Variants in STAT5A observed in about 807,000 individuals in gnomAD.
STAT5A encodes the protein epididymis secretory sperm binding protein.
STAT5A carries 26 observed loss-of-function variants against 100.2 expected under a neutral mutation model. The observed-to-expected ratio is 0.26, with a 90% CI of 0.19 to 0.36. The LOEUF (loss-of-function observed/expected upper bound fraction) is 0.36, where lower values mean the gene tolerates loss of function less well. STAT5A is among the 10% of genes least tolerant of loss of function. The pLI is 1.00. For synonymous variants in STAT5A, 330 were observed against 424.3 expected (o/e 0.78, Z 2.73); for missense variants, 634 against 1,027.5 (o/e 0.62, Z 5.24).
Position 42,291,910 on chromosome 17 carries a change from G to A in STAT5A, c.286-62G>A, listed in dbSNP as rs574787614. The A allele has an allele frequency of 5.1e-6, 8 of 1,579,502 alleles. No homozygotes were observed. In the South Asian group the frequency reaches 9.0e-5, roughly 18 times the overall value. ...TGAAGGAGAGGAAGGGCTGGGCATA[G>A]CATGGGGCTGGCATGGCTGGAGCAG... On this transcript the variant is annotated intron_variant, in intron 3 of 18. Transcript: ENST00000590949.
intron 11 of STAT5A, among the ~76,000 whole-genome samples, chr17:42,305,027 A>C (rs1251900987): frequency 2.0e-5 from 3 of 151,560 alleles, no homozygotes; most frequent in Non-Finnish European, 4.4e-5. Flanking sequence ...CATAGTGAGA[A>C]CCCGTATCTA....
chr17:42,301,601 C>T, intron 9 of STAT5A, 147 bp downstream of exon 9: 1 of 1,256,746 alleles, frequency 8.0e-7, no homozygotes, highest in Non-Finnish European at 1.1e-6. Context: ...TGCAGTCTTC[C>T]CACCTCAGCC....
At chr17:42,310,424 G>C in intron 18 of STAT5A, 83 bp from the exon 19 acceptor site, 1 of 1,493,372 alleles carries the variant, frequency 6.7e-7, no homozygotes, top group Non-Finnish European at 9.3e-7. Flanking sequence ...GGTTTGAGTG[G>C]AGAGCAGGCT....
At position 42,299,642 on chromosome 17, in the gene STAT5A, A is replaced by C. The variant is rs1397831723; in HGVS notation, c.551-109A>C. 4.5e-6 allele frequency: 7 copies of C among 1,558,770 alleles called. No individual in the cohort carries two copies. The East Asian group carries it at 1.6e-4, about 35-fold the overall frequency. On this transcript the variant is annotated intron_variant, in intron 5 of 18. Transcript: ENST00000590949. ...AGGAACCCCGACTTGCTCTTGATGC[A>C]GTGTCTGAGCCTGGGAGGGTCTCGC...
chr17:42,302,210 C>G (rs2080986950), intron 9 of STAT5A, among the ~76,000 whole-genome samples: 1 of 152,202 alleles, frequency 6.6e-6, no homozygotes, highest in Non-Finnish European at 1.5e-5. Context: ...TGTTCTAGAA[C>G]CTGTGCTACG....
Position 42,308,030 on chromosome 17 carries a change from G to C in STAT5A, c.1907-148G>C. On this transcript the variant is annotated intron_variant, in intron 15 of 18. Transcript: ENST00000590949. This position sits in a 1 kb window ranked among gnomAD's most constrained non-coding sequence, Gnocchi z 4.6. Reference sequence around the variant, plus strand: ...TCTGGTTTGCTGAGTAGAACATCCCGCATCGGCTTTCTTCCCTACAGGCTG... The same window carrying C: ...TCTGGTTTGCTGAGTAGAACATCCCCCATCGGCTTTCTTCCCTACAGGCTG... The C allele has an allele frequency of 8.9e-7, 1 of 1,128,302 alleles. No homozygotes were observed. Among genetic ancestry groups the C allele is most frequent in the Non-Finnish European group, 1.2e-6 (1 of 805,880 alleles). 69.9% of individuals were successfully genotyped at this position (1,128,302 alleles called of 1,614,324 possible).
rs768082942 is a variant in STAT5A at position 42,289,950 on chromosome 17, G to T, written c.213G>T (p.Lys71Asn). ...LEGLVQELQK[K>N]AEHQVGEDGF... Reference sequence around the variant, plus strand: ...GCCTGGTGCAGGAGCTGCAGAAGAAGGCGGAGCACCAGGTGGGGGAAGATG... The same window carrying T: ...GCCTGGTGCAGGAGCTGCAGAAGAATGCGGAGCACCAGGTGGGGGAAGATG... Residue 71 changes from lysine (K) to asparagine (N), a missense_variant, in exon 3 of 19, where the codon AAG (lysine) becomes AAT (asparagine). By Grantham distance (94) the Lys-to-Asn change is moderately conservative (BLOSUM62 0). This residue lies in a region of STAT5A where 207 missense variants were observed against 256.6 expected (regional missense o/e 0.81). Transcript: ENST00000590949. 6.2e-7 allele frequency: 1 copy of T among 1,609,638 alleles called. No individual in the cohort carries two copies. The highest frequency in any genetic ancestry group is 8.5e-7 in the Non-Finnish European group (1 of 1,178,216).
intron 5 of STAT5A, among the ~76,000 whole-genome samples, chr17:42,298,309 C>T (rs1472529335): frequency 2.0e-5 from 3 of 151,648 alleles, no homozygotes; most frequent in South Asian, 2.1e-4. Flanking sequence ...TACAGGCATG[C>T]GCCACCATGC....
intron 4 of STAT5A, among the ~76,000 whole-genome samples, chr17:42,292,359 T>A (rs1421943179): frequency 6.6e-6 from 1 of 152,146 alleles, no homozygotes. Flanking sequence ...GACGGATTCT[T>A]GCTCTGTCAC....
Position 42,305,602 on chromosome 17 carries a change from TC to T in STAT5A, c.1381-6del. The stretch of plus-strand genomic sequence containing the variant: ...CCCCATCAACTTGGGTTCCTTTGAC[TC>T]CTGTAGACTCTGTCCCTACCTGTGG... On this transcript the variant is annotated splice_polypyrimidine_tract_variant and splice_region_variant and intron_variant, in intron 11 of 18. Coordinates refer to ENST00000590949, the MANE Select transcript of STAT5A (RefSeq NM_001288718.2). The T allele has an allele frequency of 6.2e-7, 1 of 1,613,856 alleles. No homozygotes were observed. The highest frequency in any genetic ancestry group is 8.5e-7 in the Non-Finnish European group (1 of 1,179,786).
intron 13 of STAT5A, 149 bp from the exon 14 acceptor site, chr17:42,307,253 C>A: frequency 1.3e-6 from 1 of 746,324 alleles, no homozygotes; most frequent in Non-Finnish European, 2.2e-6. Context: ...AAGTTGGGGG[C>A]TGTGTCACTT....
Position 42,304,479 on chromosome 17 carries a change from C to T in STAT5A, c.1257+50C>T. ...GGGCAGGTCTGCCCAGAGCTGAGTCCTTGTAAGCAGCCGCCATCTCCCTGT... is the reference window on the plus strand; with the variant it reads ...GGGCAGGTCTGCCCAGAGCTGAGTCTTTGTAAGCAGCCGCCATCTCCCTGT... On this transcript the variant is annotated intron_variant, in intron 10 of 18. Transcript: ENST00000590949. This position sits in a 1 kb window ranked among gnomAD's most constrained non-coding sequence, Gnocchi z 4.8. 1 of 1,614,194 alleles carries T rather than the reference C, an allele frequency of 6.2e-7. No individual in the cohort carries two copies. The highest frequency in any genetic ancestry group is 8.5e-7 in the Non-Finnish European group (1 of 1,179,990).
chr17:42,298,096 T>C (rs953968330), intron 5 of STAT5A, among the ~76,000 whole-genome samples: 3 of 151,810 alleles, frequency 2.0e-5, no homozygotes, highest in Non-Finnish European at 4.4e-5. Context: ...TTTACTTTCT[T>C]AGCCTGGGTT....
chr17:42,292,176 G>A, intron 4 of STAT5A, 115 bp downstream of exon 4: 1 of 1,299,852 alleles, frequency 7.7e-7, no homozygotes, highest in Non-Finnish European at 1.1e-6. Flanking sequence ...CCAAGAAGAT[G>A]AGGGACGTGG....
Position 42,289,401 on chromosome 17 carries a change from G to C in STAT5A, c.-10-1G>C, listed in dbSNP as rs752607221. 8.1e-6 allele frequency: 13 copies of C among 1,606,132 alleles called. No individual in the cohort carries two copies. The Admixed American group carries it at 2.2e-4, about 27-fold the overall frequency. On this transcript the variant is annotated splice_acceptor_variant, in intron 1 of 18. Coordinates refer to ENST00000590949, the MANE Select transcript of STAT5A (RefSeq NM_001288718.2). LOFTEE classifies it low-confidence loss of function (5UTR_SPLICE). ...GCGCTTCAGCGCTCGGCTCGCCCTA[G>C]GTGAACGGCCATGGCGGGCTGGATC...
intron 4 of STAT5A, among the ~76,000 whole-genome samples, chr17:42,292,317 TTTTTTTC>T (rs946459046): frequency 2.7e-4 from 41 of 152,150 alleles, no homozygotes; most frequent in Admixed American, 1.2e-3. Flanking sequence ...TGTTCCTGTT[TTTTTTTC>T]TTTTTTCTTT....
rs371744135 is a variant in STAT5A, at chr17:42,295,800, C to T, written c.550+7C>T. On this transcript the variant is annotated splice_region_variant and intron_variant, in intron 5 of 18. Transcript: ENST00000590949. ...GAGAGCCTGAGGATCCAAGGTGAGGCGCGGTGGAGGCAGTGTGCATCCGGA... is the reference window on the plus strand; with the variant it reads ...GAGAGCCTGAGGATCCAAGGTGAGGTGCGGTGGAGGCAGTGTGCATCCGGA... 32 of 1,613,440 alleles carry T rather than the reference C, an allele frequency of 2.0e-5. No homozygotes were observed. The highest frequency in any genetic ancestry group is 1.1e-4 in the African/African-American group (8 of 74,854).
At chr17:42,297,283 A>G (rs1048018546) in intron 5 of STAT5A, among the ~76,000 whole-genome samples, 1 of 152,172 alleles carries the variant, frequency 6.6e-6, no homozygotes, top group Non-Finnish European at 1.5e-5. Context: ...ATCTGAATCT[A>G]TCCCAGACTG....
chr17:42,298,982 C>G (rs1305792639), intron 5 of STAT5A, among the ~76,000 whole-genome samples: 4 of 151,752 alleles, frequency 2.6e-5, no homozygotes, highest in African/African-American at 9.7e-5. Context: ...TGTCTGTCTC[C>G]CCTGGTTGGT....
Sources: allele counts gnomAD v4.1 joint callset (sites outside exome capture counted in the v4.1 genomes callset), GRCh38; gene constraint gnomAD v4.1.1; regional missense constraint gnomAD v4.1.1; non-coding constraint Gnocchi (gnomAD v3.1); transcripts MANE v1.5; gene names NCBI Gene and HGNC (gene_info 2026-07-23, HGNC 2026-07-21).